CTNNA2: variants seen among roughly 807,000 people sequenced by gnomAD.
CTNNA2 encodes the protein catenin alpha-2.
In CTNNA2, 42 loss-of-function variants were observed where a neutral mutation model predicts 101.0. The ratio of observed to expected loss-of-function variants is 0.42; its 90% CI spans 0.32 to 0.54. The LOEUF (loss-of-function observed/expected upper bound fraction) is 0.54, where lower values mean the gene tolerates loss of function less well. Among genes scored for constraint, CTNNA2 ranks in the 20% least tolerant of loss-of-function variants. The probability of loss-of-function intolerance (pLI) is 0.14; values close to 1 mark genes in which losing one functional copy is unlikely to be tolerated. For missense variants in CTNNA2, 871 were observed against 1,223.1 expected (o/e 0.71, Z 4.29); for synonymous variants, 450 against 456.4 (o/e 0.99, Z 0.18).
chr2:79,707,747 C>T (rs2104792380), intron 2 of CTNNA2, among the ~76,000 whole-genome samples: 1 of 152,304 alleles, frequency 6.6e-6, no homozygotes, highest in Admixed American at 6.5e-5. Context: ...TCCTCCCCAC[C>T]ACACCCATCC....
intron 3 of CTNNA2, among the ~76,000 whole-genome samples, chr2:79,339,037 C>T (rs1252071096): frequency 1.3e-5 from 2 of 152,024 alleles, no homozygotes; most frequent in African/African-American, 2.4e-5. Flanking sequence ...GTTTGTATAA[C>T]CCAGAGGGCT....
chr2:80,327,452 C>T (rs936226251), intron 7 of CTNNA2, among the ~76,000 whole-genome samples: 1 of 150,552 alleles, frequency 6.6e-6, no homozygotes, highest in Admixed American at 6.6e-5. Flanking sequence ...AGAGCTGTTA[C>T]CTTGATATAC....
chr2:79,208,357 T>C (rs1313339163), intron 2 of CTNNA2, among the ~76,000 whole-genome samples: 1 of 152,186 alleles, frequency 6.6e-6, no homozygotes, highest in Non-Finnish European at 1.5e-5. Context: ...ATGAAGTGCA[T>C]CTCACCTAGA....
chr2:79,247,184 C>T (rs1238583225), intron 2 of CTNNA2, among the ~76,000 whole-genome samples: 1 of 152,172 alleles, frequency 6.6e-6, no homozygotes, highest in Non-Finnish European at 1.5e-5. Context: ...CACTGACTTA[C>T]CCTGGAAAAA....
intron 2 of CTNNA2, among the ~76,000 whole-genome samples, chr2:79,684,544 C>T (rs1683802084): frequency 1.3e-5 from 2 of 152,122 alleles, no homozygotes; most frequent in African/African-American, 4.8e-5. Context: ...AATACTCTGG[C>T]ACACCCTATG....
At chr2:79,651,894 G>A (rs1268535234) in intron 2 of CTNNA2, among the ~76,000 whole-genome samples, 1 of 152,102 alleles carries the variant, frequency 6.6e-6, no homozygotes, top group African/African-American at 2.4e-5. Flanking sequence ...AATTGAAGAG[G>A]GGTCCTTGGT....
At chr2:80,056,668 G>A (rs750696343) in intron 7 of CTNNA2, among the ~76,000 whole-genome samples, 25 of 151,760 alleles carry the variant, frequency 1.6e-4, no homozygotes, top group Non-Finnish European at 2.9e-4. Flanking sequence ...TTGCTTTATC[G>A]CCCAATGCAA....
chr2:80,630,828 T>G (rs1368386306), intron 18 of CTNNA2, among the ~76,000 whole-genome samples: 1 of 152,156 alleles, frequency 6.6e-6, no homozygotes, highest in Non-Finnish European at 1.5e-5. Context: ...TATATTATGA[T>G]GATGAGTAAC....
intron 9 of CTNNA2, among the ~76,000 whole-genome samples, chr2:80,429,547 C>A (rs1681298399): frequency 6.6e-6 from 1 of 152,098 alleles, no homozygotes; most frequent in Non-Finnish European, 1.5e-5. Context: ...AGTTTCTGTC[C>A]CCAAAGTAAT....
intron 7 of CTNNA2, among the ~76,000 whole-genome samples, chr2:80,047,415 C>T (rs1247936475): frequency 6.6e-6 from 1 of 152,176 alleles, no homozygotes; most frequent in Non-Finnish European, 1.5e-5. Context: ...AGGCAAAACT[C>T]TGCTAACACA....
intron 6 of CTNNA2, among the ~76,000 whole-genome samples, chr2:79,893,964 T>G (rs1186584150): frequency 1.3e-5 from 2 of 152,122 alleles, no homozygotes; most frequent in Non-Finnish European, 2.9e-5. Context: ...AAATTGAGCA[T>G]TTTTATTCTG....
intron 9 of CTNNA2, among the ~76,000 whole-genome samples, chr2:80,533,047 A>T (rs1198766803): frequency 6.6e-6 from 1 of 152,156 alleles, no homozygotes; most frequent in Non-Finnish European, 1.5e-5. Flanking sequence ...TACAACCATT[A>T]TCCTCAAAGA....
chr2:79,628,149 C>T (rs1679441333), intron 1 of CTNNA2, among the ~76,000 whole-genome samples: 1 of 152,100 alleles, frequency 6.6e-6, no homozygotes, highest in Non-Finnish European at 1.5e-5. Flanking sequence ...TAAACACTCA[C>T]ATTAAAAAAT....
chr2:79,353,338 C>T (rs146845878), intron 3 of CTNNA2, among the ~76,000 whole-genome samples: 215 of 152,234 alleles, frequency 1.4e-3, no homozygotes, highest in African/African-American at 5.0e-3. Context: ...TTTTATTGCA[C>T]TGTGGTCAGA....
intron 15 of CTNNA2, among the ~76,000 whole-genome samples, chr2:80,598,524 TC>T (rs1461059513): frequency 6.6e-6 from 1 of 152,084 alleles, no homozygotes; most frequent in Non-Finnish European, 1.5e-5. Context: ...GATATTTTGC[TC>T]TCAGACATTT....
chr2:79,245,137 A>G (rs919182128), intron 2 of CTNNA2, among the ~76,000 whole-genome samples: 1 of 151,834 alleles, frequency 6.6e-6, no homozygotes, highest in Non-Finnish European at 1.5e-5. Flanking sequence ...TGCAAATTAC[A>G]TAGGATTTCT....
intron 1 of CTNNA2, among the ~76,000 whole-genome samples, chr2:79,621,542 A>G (rs1678998825): frequency 6.6e-6 from 1 of 152,218 alleles, no homozygotes; most frequent in African/African-American, 2.4e-5. Flanking sequence ...ATTGGATTAT[A>G]GCCCCAAGTA....
intron 7 of CTNNA2, among the ~76,000 whole-genome samples, chr2:80,381,452 G>A (rs1001840617): frequency 6.6e-6 from 1 of 152,160 alleles, no homozygotes; most frequent in Non-Finnish European, 1.5e-5. Context: ...CTGTGTGCTT[G>A]CTTTGAAGAC....
At chr2:79,841,688 C>A (rs750858276) in intron 3 of CTNNA2, among the ~76,000 whole-genome samples, 2 of 152,138 alleles carry the variant, frequency 1.3e-5, no homozygotes, top group Admixed American at 1.3e-4. Flanking sequence ...TCTTTATATG[C>A]GCAATCAACG....
Sources: gnomAD v4.1 joint callset for allele counts (sites outside exome capture counted in the v4.1 genomes callset) on GRCh38, gnomAD v4.1.1 for gene constraint, MANE v1.5 for transcripts, NCBI Gene and HGNC (gene_info 2026-07-23, HGNC 2026-07-21) for gene names.